Variants in UBE2D2 observed in about 807,000 individuals in gnomAD.
UBE2D2 encodes ubiquitin-conjugating enzyme E2 D2.
Under a neutral mutation model 24.2 loss-of-function variants are expected in UBE2D2, and 2 were observed. That is an observed-to-expected ratio of 0.08 (90% confidence interval 0.03 to 0.26). The LOEUF (loss-of-function observed/expected upper bound fraction) is 0.26. Ranked by LOEUF, UBE2D2 falls within the 10% of genes least tolerant of loss-of-function variation. UBE2D2 has a pLI of 1.00. For synonymous variants in UBE2D2, 58 were observed against 56.5 expected (o/e 1.03, Z -0.12); for missense variants, 44 against 177.6 (o/e 0.25, Z 4.28).
At chr5:139,623,576 T>C (rs1206650038) in intron 6 of UBE2D2, 115 bp downstream of exon 6, 1 of 731,106 alleles carries the variant, frequency 1.4e-6, no homozygotes. Flanking sequence ...AGTCCTAATA[T>C]ACTCTCCTGG....
At position 139,627,045 on chromosome 5, in the gene UBE2D2, A is replaced by G. The variant is rs2126713595; in HGVS notation, c.*244A>G. The G allele has an allele frequency of 2.2e-6, 1 of 464,250 alleles. No individual in the cohort carries two copies. Among genetic ancestry groups the G allele is most frequent in the Admixed American group, 3.8e-5 (1 of 26,214 alleles). 28.8% of individuals were successfully genotyped at this position (464,250 alleles called of 1,614,324 possible). A position where few individuals can be genotyped will look rare whatever the true frequency, so the allele number is the denominator to read the frequency against. On this transcript the variant is annotated 3_prime_UTR_variant, in exon 7 of 7. Transcript: ENST00000398733. ...TGTGTGTGTGACAAGCCAGTTCTAC[A>G]GGCATTACCTAGGTGTGAGACTAAA...
chr5:139,562,332 G>C, intron 1 of UBE2D2: 1 of 1,345,992 alleles, frequency 7.4e-7, no homozygotes, highest in Non-Finnish European at 9.8e-7. Context: ...CTTACCTCTT[G>C]GGTGGCAGCA....
chr5:139,582,586 A>T (rs1485368503), intron 1 of UBE2D2, among the ~76,000 whole-genome samples: 4 of 151,838 alleles, frequency 2.6e-5, no homozygotes, highest in Non-Finnish European at 5.9e-5. Flanking sequence ...ACCACATGCG[A>T]CCAGGTGTGG....
chr5:139,543,693 G>A (rs1752787254), intron 1 of UBE2D2, among the ~76,000 whole-genome samples: 3 of 152,208 alleles, frequency 2.0e-5, no homozygotes, highest in Admixed American at 2.0e-4. Flanking sequence ...GCCGGTCTTC[G>A]CCACCAGATC....
intron 6 of UBE2D2, among the ~76,000 whole-genome samples, chr5:139,626,209 T>C (rs1754624333): frequency 6.6e-6 from 1 of 151,500 alleles, no homozygotes; most frequent in Non-Finnish European, 1.5e-5. Flanking sequence ...GCTGGGACTA[T>C]AGTCATGCGC....
At chr5:139,613,323 T>A (rs1754360345) in intron 2 of UBE2D2, among the ~76,000 whole-genome samples, 1 of 152,182 alleles carries the variant, frequency 6.6e-6, no homozygotes, top group Non-Finnish European at 1.5e-5. Flanking sequence ...TGGTTTGGGT[T>A]GTTCAAATAT....
intron 1 of UBE2D2, among the ~76,000 whole-genome samples, chr5:139,566,701 C>G (rs749447924): frequency 2.0e-5 from 3 of 151,914 alleles, no homozygotes; most frequent in African/African-American, 7.3e-5. Flanking sequence ...AAAAAGATTT[C>G]AAACTCTGAT....
intron 1 of UBE2D2, among the ~76,000 whole-genome samples, chr5:139,582,742 C>G (rs1753632654): frequency 6.8e-6 from 1 of 146,754 alleles, no homozygotes; most frequent in Non-Finnish European, 1.5e-5. Flanking sequence ...TCAATCTCGG[C>G]TCACTGCAAA....
In UBE2D2 at chr5:139,561,753, C is replaced by G; in HGVS notation, c.-39C>G. The G allele has an allele frequency of 6.9e-7, 1 of 1,454,958 alleles. No individual in the cohort carries two copies. Among genetic ancestry groups the G allele is most frequent in the Non-Finnish European group, 9.1e-7 (1 of 1,097,292 alleles). 90.1% of individuals were successfully genotyped at this position (1,454,958 alleles called of 1,614,324 possible). On this transcript the variant is annotated 5_prime_UTR_variant, in exon 1 of 7. Transcript: ENST00000398733. ...CCCTTCCCCGTCCCTTCCCCGCCCC[C>G]GTCCCCGCCCCGGGGGCCGCCGCCA...
At chr5:139,605,779 C>G (rs2126691918) in intron 2 of UBE2D2, among the ~76,000 whole-genome samples, 1 of 151,038 alleles carries the variant, frequency 6.6e-6, no homozygotes, top group East Asian at 2.0e-4. Flanking sequence ...CACTCTGTTG[C>G]CCAGGCTAGA....
chr5:139,571,917 G>C (rs758936030), intron 1 of UBE2D2, among the ~76,000 whole-genome samples: 23 of 150,204 alleles, frequency 1.5e-4, no homozygotes, highest in Non-Finnish European at 2.8e-4. Flanking sequence ...ACTTATCGAA[G>C]GTTTTCCCCT....
intron 1 of UBE2D2, among the ~76,000 whole-genome samples, chr5:139,538,766 C>G (rs951551148): frequency 5.9e-5 from 9 of 151,590 alleles, no homozygotes; most frequent in African/African-American, 1.9e-4. Flanking sequence ...CCAGCTACTC[C>G]AGAGGCTGAC....
At chr5:139,543,634 G>A (rs1042028760) in intron 1 of UBE2D2, among the ~76,000 whole-genome samples, 1 of 152,212 alleles carries the variant, frequency 6.6e-6, no homozygotes, top group African/African-American at 2.4e-5. Context: ...CTAGCGACTC[G>A]GGCCTCTCAA....
At chr5:139,541,598 T>TC (rs1438166207) in intron 1 of UBE2D2, among the ~76,000 whole-genome samples, 2 of 94,038 alleles carry the variant, frequency 2.1e-5, no homozygotes, top group Admixed American at 1.2e-4. Context: ...AGACTCCATT[T>TC]CAAAAAAAAA....
intron 5 of UBE2D2, among the ~76,000 whole-genome samples, chr5:139,615,560 C>T (rs970096475): frequency 6.6e-6 from 1 of 151,922 alleles, no homozygotes; most frequent in Admixed American, 6.6e-5. Context: ...AACATCTCTT[C>T]CAACCTTGAG....
At chr5:139,560,868 G>A (rs1055101381), upstream of UBE2D2, among the ~76,000 whole-genome samples, 4 of 152,248 alleles carry the variant, frequency 2.6e-5, no homozygotes, top group African/African-American at 9.6e-5. Context: ...CCTCGTGGCA[G>A]GTGCCCGAGC....
At chr5:139,550,633 A>G (rs965055114) in intron 1 of UBE2D2, among the ~76,000 whole-genome samples, 12 of 151,880 alleles carry the variant, frequency 7.9e-5, no homozygotes, top group African/African-American at 2.2e-4. Flanking sequence ...TTGGGTACAC[A>G]CTGAGTTTAT....
Position 139,627,855 on chromosome 5 carries a change from T to C in UBE2D2, c.*1054T>C, listed in dbSNP as rs79958203. ...AAGGATATCTTACGAGTAATTTTAT[T>C]GAACAAGTTAGAGGCATAAGCTTAA... On this transcript the variant is annotated 3_prime_UTR_variant, in exon 7 of 7. Transcript: ENST00000398733. The C allele has an allele frequency of 1.8e-4, 28 of 152,802 alleles. No individual in the cohort carries two copies. In the East Asian group the frequency reaches 5.2e-3, roughly 28 times the overall value. 9.5% of individuals were successfully genotyped at this position (152,802 alleles called of 1,614,324 possible). A position where few individuals can be genotyped will look rare whatever the true frequency, so the allele number is the denominator to read the frequency against.
At chr5:139,554,179 A>AT (rs992201451) in intron 1 of UBE2D2, among the ~76,000 whole-genome samples, 14 of 149,586 alleles carry the variant, frequency 9.4e-5, no homozygotes, top group East Asian at 3.9e-4. Flanking sequence ...CCTTGATCGC[A>AT]TTTTTTTTTT....
Sources: gnomAD v4.1 joint callset for allele counts (sites outside exome capture counted in the v4.1 genomes callset) on GRCh38, gnomAD v4.1.1 for gene constraint, MANE v1.5 for transcripts, NCBI Gene and HGNC (gene_info 2026-07-23, HGNC 2026-07-21) for gene names.